RRP12: variants seen among roughly 807,000 people sequenced by gnomAD.
RRP12 encodes the protein RRP12-like protein.
Under a neutral mutation model 157.3 loss-of-function variants are expected in RRP12, and 78 were observed. The ratio of observed to expected loss-of-function variants is 0.50; its 90% CI spans 0.41 to 0.60. The LOEUF (loss-of-function observed/expected upper bound fraction) is 0.60. RRP12 is among the 20% of genes least tolerant of loss of function. The probability of loss-of-function intolerance (pLI) is 0.00; values close to 1 mark genes in which losing one functional copy is unlikely to be tolerated. For missense variants in RRP12, 1,521 were observed against 1,679.9 expected, an observed-to-expected ratio of 0.91 and a Z score of 1.65; for synonymous variants, 726 against 670.9, an observed-to-expected ratio of 1.08 and a Z score of -1.27.
intron 10 of RRP12, among the ~76,000 whole-genome samples, chr10:97,384,410 C>A (rs1055650078): frequency 7.3e-5 from 11 of 150,032 alleles, no homozygotes; most frequent in Admixed American, 2.0e-4. Flanking sequence ...GACCCCCCAA[C>A]CTTGGCAGCC....
At chr10:97,386,915 G>A (rs561402511) in intron 8 of RRP12, among the ~76,000 whole-genome samples, 7 of 152,032 alleles carry the variant, frequency 4.6e-5, no homozygotes, top group African/African-American at 7.2e-5. Context: ...GCGTGAACCC[G>A]GAAGGCGGAG....
intron 15 of RRP12, among the ~76,000 whole-genome samples, chr10:97,374,771 CAAAA>C (rs775889963): frequency 1.1e-5 from 1 of 90,654 alleles, no homozygotes; most frequent in Non-Finnish European, 2.2e-5. Context: ...GACTCTGTCT[CAAAA>C]AAAAAAAAAA....
In RRP12 at chr10:97,388,552, C is replaced by T. The variant is rs762916877; in HGVS notation, c.826G>A (p.Ala276Thr). Residue 276 changes from alanine to threonine, a missense_variant, in exon 7 of 34, where the codon GCC becomes ACC. By Grantham distance (58) the Ala-to-Thr change is moderately conservative. Transcript: ENST00000370992. ...GTGGAAATGGCAGCAGGATGATGGG[C>T]AGGGGCCTTTTCAAACATGAATTCA... The part of the protein sequence containing the change: ...GSEFMFEKAP[A>T]HHPAAISTAK... The T allele has an allele frequency of 2.5e-6, 4 of 1,614,216 alleles. No individual in the cohort carries two copies. The highest frequency in any genetic ancestry group is 2.2e-5 in the South Asian group (2 of 91,090).
chr10:97,366,311 G>C, intron 28 of RRP12, 78 bp from the exon 29 acceptor site: 1 of 1,580,588 alleles, frequency 6.3e-7, no homozygotes, highest in Non-Finnish European at 8.6e-7. Context: ...AACAAGCCCG[G>C]CTCAGGGATC....
In RRP12 at chr10:97,360,240, G is replaced by A. The variant is rs566821927; in HGVS notation, c.3640+306C>T. 1.9e-3 allele frequency among the ~76,000 whole-genome samples: 284 copies of A among 152,308 alleles called. 1 individual carries two copies. The highest frequency in any genetic ancestry group is 3.1e-3 in the Non-Finnish European group (210 of 68,012). Reference sequence around the variant, plus strand: ...GGTGACCAAGAGAGGCAAGCAGCTCGCAGAAGGGACAGACTCAAGCCTCTT... The same window carrying A: ...GGTGACCAAGAGAGGCAAGCAGCTCACAGAAGGGACAGACTCAAGCCTCTT... On this transcript the variant is annotated intron_variant, in intron 31 of 33. Transcript: ENST00000370992.
intron 20 of RRP12, chr10:97,371,793 T>C: frequency 2.9e-6 from 1 of 344,026 alleles, no homozygotes; most frequent in Non-Finnish European, 5.4e-6. Context: ...CGGTCTGGGA[T>C]GGGCCTGGGG....
In RRP12 at chr10:97,393,623, T is replaced by A; in HGVS notation, c.530+61A>T. On this transcript the variant is annotated intron_variant, in intron 4 of 33. Coordinates refer to ENST00000370992, the MANE Select transcript of RRP12 (RefSeq NM_015179.4). ...CAATTCCCTGATCCTGTTTCTCCTGTCCACATTCCCTTCTCCCCTCCACAA... is the reference window on the plus strand; with the variant it reads ...CAATTCCCTGATCCTGTTTCTCCTGACCACATTCCCTTCTCCCCTCCACAA... 4.0e-6 allele frequency: 5 copies of A among 1,251,396 alleles called. No homozygotes were observed. In the Admixed American group the frequency reaches 8.6e-5, roughly 22 times the overall value. 77.5% of individuals were successfully genotyped at this position (1,251,396 alleles called of 1,614,324 possible).
Position 97,381,748 on chromosome 10 carries a change from C to G in RRP12, c.1287G>C (p.Ser429=). ...TCTGCGTAGCAGCAGTCAGCACTTG[C>G]GAGTGTGGGGAAAGGAGGCAGGTCA... ...TAVTCLLSPH[S]QVLTAATQSL... The change falls in exon 11 of 34, where the codon TCG becomes TCC. Residue 429 remains serine (S), a synonymous_variant. Transcript: ENST00000370992. 6.2e-7 allele frequency: 1 copy of G among 1,614,124 alleles called. No individual in the cohort carries two copies. The highest frequency in any genetic ancestry group is 8.5e-7 in the Non-Finnish European group (1 of 1,179,974).
chr10:97,358,692 G>T, intron 32 of RRP12, 73 bp from the exon 33 acceptor site: 1 of 1,166,302 alleles, frequency 8.6e-7, no homozygotes. Context: ...GACTTGACAG[G>T]CCCCATAACC....
rs1290246831 is a variant in RRP12 at position 97,400,413 on chromosome 10, G to A, written c.261C>T (p.Leu87=). ...GGAAGGTACCCGAGGACTTCTCGGTGAGAACCAGCTCCGCCTCTTCTTCCA... is the reference window on the plus strand; with the variant it reads ...GGAAGGTACCCGAGGACTTCTCGGTAAGAACCAGCTCCGCCTCTTCTTCCA... ...TPMEEEAELV[L]TEKSSGTFLS... The change falls in exon 2 of 34, where the codon CTC becomes CTT. Residue 87 remains leucine (L), a synonymous_variant. Coordinates refer to ENST00000370992, the MANE Select transcript of RRP12 (RefSeq NM_015179.4). 1.2e-6 allele frequency: 2 copies of A among 1,614,110 alleles called. No individual in the cohort carries two copies. Among genetic ancestry groups the A allele is most frequent in the Non-Finnish European group, 1.7e-6 (2 of 1,180,020 alleles).
At chr10:97,385,617 C>A (rs1844610001) in intron 9 of RRP12, among the ~76,000 whole-genome samples, 3 of 152,268 alleles carry the variant, frequency 2.0e-5, no homozygotes, top group Non-Finnish European at 4.4e-5. Flanking sequence ...AGGCCGAGAG[C>A]CCTGCTCAAG....
At chr10:97,382,748 C>A (rs983449083) in intron 10 of RRP12, among the ~76,000 whole-genome samples, 7 of 149,396 alleles carry the variant, frequency 4.7e-5, no homozygotes, top group Non-Finnish European at 5.9e-5. Flanking sequence ...CACATACAAC[C>A]ACTTTGACTG....
chr10:97,365,272 G>GT (rs34050240), intron 29 of RRP12, among the ~76,000 whole-genome samples: 24,856 of 118,410 alleles, frequency 0.21, 3,350 homozygotes, highest in South Asian at 0.3. Flanking sequence ...AGACCTAGGT[G>GT]TTTTTTTTTT....
chr10:97,376,960 ACCT>A (rs1248467301), intron 15 of RRP12, among the ~76,000 whole-genome samples: 1 of 150,540 alleles, frequency 6.6e-6, no homozygotes, highest in Admixed American at 6.6e-5. Context: ...GCTCACTGCA[ACCT>A]CCGCCCCCCA....
intron 15 of RRP12, among the ~76,000 whole-genome samples, chr10:97,375,780 C>T (rs1051073038): frequency 2.6e-5 from 4 of 152,062 alleles, no homozygotes; most frequent in African/African-American, 9.7e-5. Context: ...TTAATTCCAA[C>T]AGAGTAGAAA....
chr10:97,357,199 G>A lies in RRP12; in HGVS notation c.3792-3C>T, dbSNP rs779662211. The stretch of plus-strand genomic sequence containing the variant: ...GTCCCTGCAGCTTCATCTTCTTCCT[G>A]CAGGGCCAAGGAACGGAAGGGTCAC... On this transcript the variant is annotated splice_region_variant and splice_polypyrimidine_tract_variant and intron_variant, in intron 33 of 33. Coordinates refer to ENST00000370992, the MANE Select transcript of RRP12 (RefSeq NM_015179.4). The A allele has an allele frequency of 6.3e-7, 1 of 1,591,994 alleles. No homozygotes were observed. Among genetic ancestry groups the A allele is most frequent in the South Asian group, 1.1e-5 (1 of 89,962 alleles).
In RRP12 at chr10:97,371,108, G is replaced by T. The variant is rs1170652945; in HGVS notation, c.2344-27C>A. The T allele has an allele frequency of 3.1e-6, 5 of 1,608,882 alleles. No homozygotes were observed. In the African/African-American group the frequency reaches 6.7e-5, roughly 21 times the overall value. ...TGGCAGACAGGAACCGGTGAGGGAG[G>T]CCTGGGGCTCACTCCCTGTCCAATG... is the stretch of plus-strand genomic sequence containing the variant. On this transcript the variant is annotated intron_variant, in intron 20 of 33. Transcript: ENST00000370992.
rs780808388 is a variant in RRP12, at chr10:97,366,418, T to C, written c.3391+28A>G. On this transcript the variant is annotated intron_variant, in intron 28 of 33. Transcript: ENST00000370992. ...CTGGCACCATGGCAAGTCTGTTTTC[T>C]GAGTGCACTGGCCAGCCCTGTGCTT... 12 of 1,579,176 alleles carry C rather than the reference T, an allele frequency of 7.6e-6. No homozygotes were observed. In the African/African-American group the frequency reaches 1.6e-4, roughly 21 times the overall value.
chr10:97,393,310 A>T, intron 4 of RRP12: 1 of 439,434 alleles, frequency 2.3e-6, no homozygotes, highest in Non-Finnish European at 4.5e-6. Context: ...GGAACCAGGG[A>T]AGCACTGCAG....
Sources: gnomAD v4.1 joint callset for allele counts (sites outside exome capture counted in the v4.1 genomes callset) on GRCh38, gnomAD v4.1.1 for gene constraint, MANE v1.5 for transcripts, NCBI Gene and HGNC (gene_info 2026-07-23, HGNC 2026-07-21) for gene names.